The following PPP2R2C variants were observed in gnomAD, a reference collection of about 807,000 sequenced individuals.
PPP2R2C encodes protein phosphatase 2 regulatory subunit Bgamma, also known as protein phosphatase 2, regulatory subunit B, gamma.
PPP2R2C carries 10 observed loss-of-function variants against 45.3 expected under a neutral mutation model. The observed-to-expected ratio is 0.22, with a 90% CI of 0.14 to 0.37. The LOEUF is 0.37. PPP2R2C is among the 10% of genes least tolerant of loss of function. The pLI is 1.00. For missense variants in PPP2R2C, 308 were observed against 619.7 expected (o/e 0.50, Z 5.34); for synonymous variants, 257 against 245.4 (o/e 1.05, Z -0.44).
At chr4:6,449,320 C>T (rs934191563) in intron 1 of PPP2R2C, among the ~76,000 whole-genome samples, 3 of 152,210 alleles carry the variant, frequency 2.0e-5, no homozygotes, top group Non-Finnish European at 4.4e-5. Context: ...GAGACCCCTG[C>T]GGCAGCTGCA....
At chr4:6,484,483 A>G (rs754965969) in intron 2 of PPP2R2C, among the ~76,000 whole-genome samples, 3 of 151,182 alleles carry the variant, frequency 2.0e-5, no homozygotes, top group Non-Finnish European at 4.4e-5. Context: ...GTATTTCTAT[A>G]TGAATTTTAG....
chr4:6,448,482 G>C (rs754304827), intron 1 of PPP2R2C, among the ~76,000 whole-genome samples: 1 of 151,844 alleles, frequency 6.6e-6, no homozygotes, highest in Non-Finnish European at 1.5e-5. Flanking sequence ...AGTTCCAAGC[G>C]GCTCCCAGGC....
At chr4:6,421,105 C>A (rs954468733) in intron 1 of PPP2R2C, 1 of 985,132 alleles carries the variant, frequency 1.0e-6, no homozygotes, top group South Asian at 4.7e-5. Flanking sequence ...CTCTCTGTTT[C>A]CCCCAAAACA....
chr4:6,553,378 G>A (rs560526828), intron 1 of PPP2R2C, among the ~76,000 whole-genome samples: 11 of 152,366 alleles, frequency 7.2e-5, no homozygotes, highest in Admixed American at 2.0e-4. Flanking sequence ...GAAATCCAGC[G>A]CAGTCCACTG....
intron 2 of PPP2R2C, among the ~76,000 whole-genome samples, chr4:6,506,912 A>C (rs1469283942): frequency 6.6e-6 from 1 of 152,158 alleles, no homozygotes; most frequent in Non-Finnish European, 1.5e-5. Context: ...TTCTCACACC[A>C]TGACTGCTGG....
intron 1 of PPP2R2C, among the ~76,000 whole-genome samples, chr4:6,446,580 G>A (rs987695510): frequency 1.3e-5 from 2 of 152,208 alleles, no homozygotes; most frequent in Non-Finnish European, 2.9e-5. Context: ...ACACTGAAAA[G>A]CATGAGGCCC....
At chr4:6,538,791 G>A (rs563076516) in intron 1 of PPP2R2C, among the ~76,000 whole-genome samples, 5 of 152,290 alleles carry the variant, frequency 3.3e-5, no homozygotes, top group East Asian at 3.9e-4. Flanking sequence ...GGAGCTGGCC[G>A]CTCCCCCGCA....
At chr4:6,390,800 T>G (rs917899709) in intron 1 of PPP2R2C, among the ~76,000 whole-genome samples, 2 of 152,178 alleles carry the variant, frequency 1.3e-5, no homozygotes, top group Non-Finnish European at 2.9e-5. Flanking sequence ...TAGTCCTGGC[T>G]CATCATGAGT....
intron 2 of PPP2R2C, among the ~76,000 whole-genome samples, chr4:6,526,396 G>A (rs960165666): frequency 1.2e-4 from 19 of 152,230 alleles, no homozygotes; most frequent in Admixed American, 2.0e-4. Flanking sequence ...CGCTCAGTGT[G>A]TGGTCCTGGC....
intron 2 of PPP2R2C, among the ~76,000 whole-genome samples, chr4:6,482,612 C>T (rs1293016677): frequency 6.6e-6 from 1 of 152,208 alleles, no homozygotes; most frequent in Non-Finnish European, 1.5e-5. Flanking sequence ...TTTTGTTGAA[C>T]TGTCACATGC....
intron 5 of PPP2R2C, among the ~76,000 whole-genome samples, chr4:6,371,441 C>A (rs1200877592): frequency 6.6e-6 from 1 of 152,234 alleles, no homozygotes; most frequent in African/African-American, 2.4e-5. Flanking sequence ...CCGAGGGACA[C>A]AGCCCACTCC....
At chr4:6,510,533 T>C (rs78127473) in intron 2 of PPP2R2C, among the ~76,000 whole-genome samples, 9,718 of 152,238 alleles carry the variant, frequency 0.064, 512 homozygotes, top group African/African-American at 0.15. Context: ...TCTGTGTCCC[T>C]GCCCCGCCCC....
At position 6,323,559 on chromosome 4, in the gene PPP2R2C, G is replaced by A. The variant is rs1731700372; in HGVS notation, c.1087C>T (p.Arg363Cys). The change falls in exon 9 of 9, where the codon CGC (arginine) becomes TGC (cysteine). Residue 363 changes from arginine (R) to cysteine (C), a missense_variant. Transcript: ENST00000382599. ...CGCTTGGTGTTCCGATCGAACATGC[G>A]GAAGAAGTTGTTGTAGGCCCCGGTC... ...IMTGAYNNFF[R>C]MFDRNTKRDV... is the part of the protein sequence containing the mutation. 7 of 1,578,580 alleles carry A rather than the reference G, an allele frequency of 4.4e-6. No homozygotes were observed. Among genetic ancestry groups the A allele is most frequent in the Admixed American group, 1.7e-5 (1 of 58,622 alleles).
rs192207878 is a variant in PPP2R2C, at chr4:6,456,832, G to A, written c.70+15328C>T. On this transcript the variant is annotated intron_variant, in intron 1 of 8. Transcript: ENST00000382599. ...TGAAACATCACTGTGGCCTGGCCAC[G>A]TGGAGGGCCCATGCGGTGACCACTC... Among the ~76,000 whole-genome samples, 10 of 152,348 alleles carry A rather than the reference G, an allele frequency of 6.6e-5. 1 individual carries two copies. The East Asian group carries it at 7.7e-4, about 12-fold the overall frequency.
intron 2 of PPP2R2C, among the ~76,000 whole-genome samples, chr4:6,531,101 G>A (rs1724382348): frequency 1.3e-5 from 2 of 152,184 alleles, no homozygotes; most frequent in African/African-American, 4.8e-5. Context: ...GTGCCTGGTG[G>A]CACCAAAGGC....
At chr4:6,517,586 G>A (rs1475335174) in intron 2 of PPP2R2C, among the ~76,000 whole-genome samples, 2 of 152,166 alleles carry the variant, frequency 1.3e-5, no homozygotes, top group African/African-American at 4.8e-5. Context: ...GTTCTAAGAG[G>A]TGAGAGGGCC....
intron 5 of PPP2R2C, among the ~76,000 whole-genome samples, chr4:6,353,387 T>TGACAGCCCCCCCACACA (rs1712767682): frequency 8.3e-5 from 1 of 12,000 alleles, no homozygotes; most frequent in Non-Finnish European, 1.6e-4. Flanking sequence ...GCCCCCACAC[T>TGACAGCCCCCCCACACA]GACAGCCCCC....
At chr4:6,446,241 A>AC (rs1215501248) in intron 1 of PPP2R2C, among the ~76,000 whole-genome samples, 1 of 150,754 alleles carries the variant, frequency 6.6e-6, no homozygotes, top group Non-Finnish European at 1.5e-5. Flanking sequence ...TCGTCAAACC[A>AC]CCCCCCACTT....
intron 1 of PPP2R2C, among the ~76,000 whole-genome samples, chr4:6,560,850 C>A (rs1273042195): frequency 6.6e-6 from 1 of 152,226 alleles, no homozygotes; most frequent in Non-Finnish European, 1.5e-5. Flanking sequence ...GAGCATGGAG[C>A]GTGTGCTCCT....
Sources: gnomAD v4.1 joint callset for allele counts (sites outside exome capture counted in the v4.1 genomes callset) on GRCh38, gnomAD v4.1.1 for gene constraint, MANE v1.5 for transcripts, NCBI Gene and HGNC (gene_info 2026-07-23, HGNC 2026-07-21) for gene names.